The following ADAM12 variants were observed in gnomAD, a reference collection of about 807,000 sequenced individuals.
The protein encoded by ADAM12 is ADAM metallopeptidase domain 12, also known as disintegrin and metalloproteinase domain-containing protein 12.
In ADAM12, 70 loss-of-function variants were observed where a neutral mutation model predicts 106.4. That is an observed-to-expected ratio of 0.66 (90% CI 0.54 to 0.80). The LOEUF is 0.80. Ranked by LOEUF, ADAM12 falls within the 30% of genes least tolerant of loss-of-function variation. The probability of loss-of-function intolerance (pLI) is 0.00; values close to 1 mark genes in which losing one functional copy is unlikely to be tolerated. For synonymous variants in ADAM12, 420 were observed against 433.5 expected, an observed-to-expected ratio of 0.97 and a Z score of 0.39; for missense variants, 1,010 against 1,171.9, an observed-to-expected ratio of 0.86 and a Z score of 2.02.
At chr10:126,223,513 G>C (rs1014957555) in intron 3 of ADAM12, among the ~76,000 whole-genome samples, 1 of 152,102 alleles carries the variant, frequency 6.6e-6, no homozygotes, top group Non-Finnish European at 1.5e-5. Context: ...AGCCTAATAG[G>C]CATCTATATA....
At chr10:126,046,284 C>T in intron 16 of ADAM12, 152 bp from the exon 17 acceptor site, 1 of 679,180 alleles carries the variant, frequency 1.5e-6, no homozygotes. Context: ...CATAACAATA[C>T]ATTTTATACT....
Position 126,053,157 on chromosome 10 carries a change from CT to C in ADAM12, c.1610-3489del. Reference sequence around the variant, plus strand: ...CTCCGGCCGCGTGATGTGCCTGCTTCTCCTTCACCTTCTGCCATGATTGGAA... The same window carrying C: ...CTCCGGCCGCGTGATGTGCCTGCTTCCCTTCACCTTCTGCCATGATTGGAA... On this transcript the variant is annotated intron_variant, in intron 14 of 22. Coordinates refer to ENST00000448723, the MANE Select transcript of ADAM12 (RefSeq NM_001288973.2). This position sits in a 1 kb window ranked among gnomAD's most constrained non-coding sequence, Gnocchi z 4.6. Among the ~76,000 whole-genome samples, 1 of 152,280 alleles carries C rather than the reference CT, an allele frequency of 6.6e-6. No individual in the cohort carries two copies. Among genetic ancestry groups the C allele is most frequent in the East Asian group, 1.9e-4 (1 of 5,188 alleles).
chr10:126,093,949 C>A, intron 11 of ADAM12, 36 bp downstream of exon 11: 5 of 1,611,638 alleles, frequency 3.1e-6, no homozygotes, highest in Non-Finnish European at 4.2e-6. Flanking sequence ...TCAAGCCATG[C>A]ACACTGTCAA....
At chr10:126,162,246 C>T (rs1676738) in intron 3 of ADAM12, among the ~76,000 whole-genome samples, 84,204 of 151,750 alleles carry the variant, frequency 0.55, 24,304 homozygotes, top group East Asian at 0.75. Flanking sequence ...CCAAGGGAGC[C>T]GGGAAAGATG....
rs115794755 is a variant in ADAM12, at chr10:126,137,667, C to T, written c.340-2007G>A. Reference sequence around the variant, plus strand: ...TGCCTTTTGTGACTGGCTTCTTTCACTTAAGCATGGTGTTCTCAAGTTCAT... The same window carrying T: ...TGCCTTTTGTGACTGGCTTCTTTCATTTAAGCATGGTGTTCTCAAGTTCAT... On this transcript the variant is annotated intron_variant, in intron 4 of 22. Transcript: ENST00000448723. Among the ~76,000 whole-genome samples, 896 of 152,298 alleles carry T rather than the reference C, an allele frequency of 5.9e-3. 7 individuals carry two copies. The highest frequency in any genetic ancestry group is 0.021 in the African/African-American group (856 of 41,550).
intron 6 of ADAM12, among the ~76,000 whole-genome samples, chr10:126,111,672 A>G (rs1955871138): frequency 6.6e-6 from 1 of 152,252 alleles, no homozygotes; most frequent in African/African-American, 2.4e-5. Context: ...AATTCCAGAT[A>G]ATAAAAACAA....
At chr10:126,195,648 T>C (rs1347590262) in intron 3 of ADAM12, among the ~76,000 whole-genome samples, 4 of 152,156 alleles carry the variant, frequency 2.6e-5, no homozygotes, top group Admixed American at 1.3e-4. Context: ...CAACAATATA[T>C]ACATATTTCA....
chr10:126,237,910 G>T (rs1218624628), intron 3 of ADAM12, among the ~76,000 whole-genome samples: 1 of 152,188 alleles, frequency 6.6e-6, no homozygotes. Flanking sequence ...TCTCAACAGT[G>T]CCCAGCACAG....
chr10:126,100,426 T>A (rs11814002), intron 9 of ADAM12, among the ~76,000 whole-genome samples: 3,515 of 151,856 alleles, frequency 0.023, 105 homozygotes, highest in East Asian at 0.084. Context: ...CTCCTCGGCC[T>A]GGCGCGGTGG....
intron 3 of ADAM12, among the ~76,000 whole-genome samples, chr10:126,161,573 C>A (rs1039469878): frequency 1.3e-5 from 2 of 152,216 alleles, no homozygotes; most frequent in African/African-American, 4.8e-5. Flanking sequence ...GAGGAGCATG[C>A]GGCAGGCACT....
chr10:126,387,141 G>A (rs1856691512), intron 1 of ADAM12, among the ~76,000 whole-genome samples: 1 of 152,166 alleles, frequency 6.6e-6, no homozygotes. Context: ...TGCGGCCAAG[G>A]GAAGTCGTTC....
chr10:126,183,085 G>C lies in ADAM12; in HGVS notation c.261-27780C>G, dbSNP rs141673372. ...GAACCCTAATGTGAACTGTGCATGCGAGGGATCTAGGTTGCATGTTCCTTA... is the reference window on the plus strand; with the variant it reads ...GAACCCTAATGTGAACTGTGCATGCCAGGGATCTAGGTTGCATGTTCCTTA... On this transcript the variant is annotated intron_variant, in intron 3 of 22. Coordinates refer to ENST00000448723, the MANE Select transcript of ADAM12 (RefSeq NM_001288973.2). Among the ~76,000 whole-genome samples, 721 of 152,246 alleles carry C rather than the reference G, an allele frequency of 4.7e-3. 1 individual carries two copies. The highest frequency in any genetic ancestry group is 7.7e-3 in the Admixed American group (117 of 15,288).
At chr10:126,062,488 G>C (rs1954778445) in intron 14 of ADAM12, among the ~76,000 whole-genome samples, 1 of 152,192 alleles carries the variant, frequency 6.6e-6, no homozygotes, top group African/African-American at 2.4e-5. Context: ...TATTGCTCTT[G>C]CTTTTGAAAA....
intron 4 of ADAM12, among the ~76,000 whole-genome samples, chr10:126,139,471 T>C (rs1314074441): frequency 6.6e-6 from 1 of 152,238 alleles, no homozygotes; most frequent in Non-Finnish European, 1.5e-5. Context: ...TATCAGTTTG[T>C]AGCGTATCTT....
At chr10:126,252,176 T>C (rs1958797024) in intron 3 of ADAM12, among the ~76,000 whole-genome samples, 1 of 6,792 alleles carries the variant, frequency 1.5e-4, no homozygotes, top group Non-Finnish European at 3.3e-4. Context: ...GGATGATGGA[T>C]GGACTCAATG....
chr10:126,184,650 C>G (rs928917505), intron 3 of ADAM12, among the ~76,000 whole-genome samples: 1 of 152,156 alleles, frequency 6.6e-6, no homozygotes, highest in Non-Finnish European at 1.5e-5. Flanking sequence ...ATTTGGGCAC[C>G]TTCACAACCT....
intron 1 of ADAM12, among the ~76,000 whole-genome samples, chr10:126,347,464 T>G (rs1855189557): frequency 6.6e-6 from 1 of 152,200 alleles, no homozygotes; most frequent in South Asian, 2.1e-4. Flanking sequence ...ATTCTTTCCT[T>G]CATTTCAACT....
At chr10:126,287,442 CT>C (rs766695709) in intron 2 of ADAM12, among the ~76,000 whole-genome samples, 7 of 152,192 alleles carry the variant, frequency 4.6e-5, no homozygotes, top group Non-Finnish European at 8.8e-5. Context: ...TCCATCACCC[CT>C]GATCCACGAC....
intron 3 of ADAM12, among the ~76,000 whole-genome samples, chr10:126,268,615 A>G (rs1179982155): frequency 3.3e-5 from 5 of 152,234 alleles, no homozygotes; most frequent in Non-Finnish European, 5.9e-5. Flanking sequence ...CAATAGAAGT[A>G]AGAAACCAGT....
Sources: gnomAD v4.1 joint callset for allele counts (sites outside exome capture counted in the v4.1 genomes callset) on GRCh38, gnomAD v4.1.1 for gene constraint, Gnocchi (gnomAD v3.1) non-coding constraint, MANE v1.5 for transcripts, NCBI Gene and HGNC (gene_info 2026-07-23, HGNC 2026-07-21) for gene names.